Variants in CLDN24 observed in about 807,000 individuals in gnomAD.
CLDN24 encodes claudin-24.
For missense variants in CLDN24, 217 were observed against 253.9 expected, an observed-to-expected ratio of 0.85 and a Z score of 0.99; for synonymous variants, 103 against 104.7, an observed-to-expected ratio of 0.98 and a Z score of 0.10.
At position 183,322,396 on chromosome 4, in the gene CLDN24, AT is replaced by A. The variant is rs1387777303; in HGVS notation, c.30del (p.Gln10HisfsTer31). 37 of 1,607,604 alleles carry A rather than the reference AT, an allele frequency of 2.3e-5. No individual in the cohort carries two copies. The Admixed American group carries it at 6.2e-4, about 27-fold the overall frequency. On this transcript the variant is annotated frameshift_variant, in exon 1 of 1. Coordinates refer to ENST00000541814, the MANE Select transcript of CLDN24 (RefSeq NM_001185149.1). LOFTEE classifies it low-confidence loss of function (END_TRUNC). MALIFRTAM[Q>X]SVGLLLSLLG... ...AGGAGAGATAGTAAAAGTCCAACAG[AT>A]TGCATTGCTGTTCTAAAGATTAAAG...
Position 183,322,318 on chromosome 4 carries a change from T to C in CLDN24, c.109A>G (p.Asn37Asp), listed in dbSNP as rs1413148297. Residue 37 changes from asparagine (N) to aspartate (D), a missense_variant, in exon 1 of 1, where the codon AAC becomes GAC. Physicochemically the swap from Asn to Asp is conservative, Grantham distance 23. Coordinates refer to ENST00000541814, the MANE Select transcript of CLDN24 (RefSeq NM_001185149.1). The part of the protein sequence containing the change: ...TTYLPHWKNL[N>D]LDLNEMENWT... ...TTTTCCATTTCATTTAAGTCCAGGT[T>C]GAGGTTCTTCCAGTGTGGCAAATAA... 12 of 1,613,854 alleles carry C rather than the reference T, an allele frequency of 7.4e-6. No homozygotes were observed. The highest frequency in any genetic ancestry group is 1.3e-5 in the African/African-American group (1 of 74,920).
Position 183,321,968 on chromosome 4 carries a change from G to A in CLDN24, c.459C>T (p.Val153=), listed in dbSNP as rs1229356001. Residue 153 remains valine (V), a synonymous_variant, in exon 1 of 1, where the codon GTC becomes GTT. Transcript: ENST00000541814. Reference sequence around the variant, plus strand: ...ACTCCCACCTGGGGACAAAGTCTGGGACGTTCTCATCCCAGAACTCCTGAA... The same window carrying A: ...ACTCCCACCTGGGGACAAAGTCTGGAACGTTCTCATCCCAGAACTCCTGAA... The part of the protein sequence containing the change: ...KTVQEFWDEN[V]PDFVPRWEFG... 1.2e-6 allele frequency: 2 copies of A among 1,600,528 alleles called. No individual in the cohort carries two copies. Among genetic ancestry groups the A allele is most frequent in the African/African-American group, 2.7e-5 (2 of 74,428 alleles).
Position 183,322,344 on chromosome 4 carries a change from G to A in CLDN24, c.83C>T (p.Thr28Ile). Residue 28 changes from threonine (T) to isoleucine (I), a missense_variant, in exon 1 of 1, where the codon ACT becomes ATT. Transcript: ENST00000541814. ...LLGWILSIIT[T>I]YLPHWKNLNL... ...GAGGTTCTTCCAGTGTGGCAAATAAGTTGTAATAATGGATAAAATCCATCC... is the reference window on the plus strand; with the variant it reads ...GAGGTTCTTCCAGTGTGGCAAATAAATTGTAATAATGGATAAAATCCATCC... 6.8e-6 allele frequency: 11 copies of A among 1,613,758 alleles called. No homozygotes were observed. The South Asian group carries it at 8.8e-5, about 13-fold the overall frequency.
Position 183,322,324 on chromosome 4 carries a change from T to C in CLDN24, c.103A>G (p.Asn35Asp). ...ATTTCATTTAAGTCCAGGTTGAGGTTCTTCCAGTGTGGCAAATAAGTTGTA... is the reference window on the plus strand; with the variant it reads ...ATTTCATTTAAGTCCAGGTTGAGGTCCTTCCAGTGTGGCAAATAAGTTGTA... Reference protein sequence around the residue: ...IITTYLPHWKNLNLDLNEMEN... With the variant: ...IITTYLPHWKDLNLDLNEMEN... Residue 35 changes from asparagine (N) to aspartate (D), a missense_variant, in exon 1 of 1, where the codon AAC (asparagine) becomes GAC (aspartate). Asn to Asp is a conservative substitution (Grantham distance 23). Transcript: ENST00000541814. 2 of 1,614,006 alleles carry C rather than the reference T, an allele frequency of 1.2e-6. No individual in the cohort carries two copies. The highest frequency in any genetic ancestry group is 1.7e-6 in the Non-Finnish European group (2 of 1,180,032).
Position 183,321,861 on chromosome 4 carries a change from G to A in CLDN24, c.566C>T (p.Ser189Phe). 1 of 1,562,482 alleles carries A rather than the reference G, an allele frequency of 6.4e-7. No homozygotes were observed. ...GCCCAAAGCTAGGGGAGCGTGGCTG[G>A]AGCAGGCTGCGCAGTTGAGCAGACA... ...GGCLLNCAACSSHAPLALGHY... is the reference protein window; with the variant it reads ...GGCLLNCAACFSHAPLALGHY... The change falls in exon 1 of 1, where the codon TCC (serine) becomes TTC (phenylalanine). Residue 189 changes from serine to phenylalanine, a missense_variant. Ser to Phe is a radical substitution (Grantham distance 155). Transcript: ENST00000541814.
Position 183,322,222 on chromosome 4 carries a change from A to T in CLDN24, c.205T>A (p.Ser69Thr), listed in dbSNP as rs760516322. The change falls in exon 1 of 1, where the codon TCC (serine) becomes ACC (threonine). Residue 69 changes from serine to threonine, a missense_variant. Coordinates refer to ENST00000541814, the MANE Select transcript of CLDN24 (RefSeq NM_001185149.1). ...AGTTCAGCAGGCAAAGCCAGGAAGG[A>T]GTCAAAGTCCTTGCATTGCATCCCC... ...EVGMQCKDFD[S>T]FLALPAELRV... 1.9e-6 allele frequency: 3 copies of T among 1,613,684 alleles called. No individual in the cohort carries two copies. The highest frequency in any genetic ancestry group is 4.5e-5 in the East Asian group (2 of 44,888).
rs1021964155 is a variant in CLDN24 at position 183,321,840 on chromosome 4, A to G, written c.587T>C (p.Leu196Ser). ...AACSSHAPLA[L>S]GHYAVAQMQT... ...CATTTGCGCCACTGCATAGTGGCCC[A>G]AAGCTAGGGGAGCGTGGCTGGAGCA... Residue 196 changes from leucine to serine, a missense_variant, in exon 1 of 1, where the codon TTG becomes TCG. By Grantham distance (145) the Leu-to-Ser change is moderately radical (BLOSUM62 -2). Transcript: ENST00000541814. 1.3e-5 allele frequency: 20 copies of G among 1,554,612 alleles called. No homozygotes were observed. Among genetic ancestry groups the G allele is most frequent in the Non-Finnish European group, 1.5e-5 (17 of 1,148,704 alleles).
Position 183,321,852 on chromosome 4 carries a change from GC to G in CLDN24, c.574del (p.Ala192LeufsTer3). On this transcript the variant is annotated frameshift_variant, in exon 1 of 1. Coordinates refer to ENST00000541814, the MANE Select transcript of CLDN24 (RefSeq NM_001185149.1). LOFTEE classifies it low-confidence loss of function (END_TRUNC). ...TGCATAGTGGCCCAAAGCTAGGGGA[GC>G]GTGGCTGGAGCAGGCTGCGCAGTTG... is the stretch of plus-strand genomic sequence containing the variant. ...LLNCAACSSH[A>X]PLALGHYAVA... 6.4e-7 allele frequency: 1 copy of G among 1,558,064 alleles called. No homozygotes were observed. Among genetic ancestry groups the G allele is most frequent in the Non-Finnish European group, 8.7e-7 (1 of 1,150,648 alleles).
In CLDN24 at chr4:183,321,942, A is replaced by G. The variant is rs1579088178; in HGVS notation, c.485T>C (p.Phe162Ser). Residue 162 changes from phenylalanine to serine, a missense_variant, in exon 1 of 1, where the codon TTT (phenylalanine) becomes TCT (serine). By Grantham distance (155) the Phe-to-Ser change is radical (BLOSUM62 -2). Transcript: ENST00000541814. The part of the protein sequence containing the change: ...NVPDFVPRWE[F>S]GEALFLGWFA... ...CCAGCCCAGAAACAGGGCCTCCCCA[A>G]ACTCCCACCTGGGGACAAAGTCTGG... 9 of 1,589,736 alleles carry G rather than the reference A, an allele frequency of 5.7e-6. No homozygotes were observed. Among genetic ancestry groups the G allele is most frequent in the African/African-American group, 1.3e-5 (1 of 74,116 alleles).
Position 183,321,965 on chromosome 4 carries a change from T to C in CLDN24, c.462A>G (p.Pro154=), listed in dbSNP as rs1286623002. ...TVQEFWDENV[P]DFVPRWEFGE... ...CAAACTCCCACCTGGGGACAAAGTCTGGGACGTTCTCATCCCAGAACTCCT... is the reference window on the plus strand; with the variant it reads ...CAAACTCCCACCTGGGGACAAAGTCCGGGACGTTCTCATCCCAGAACTCCT... Residue 154 remains proline (P), a synonymous_variant, in exon 1 of 1, where the codon CCA becomes CCG. Coordinates refer to ENST00000541814, the MANE Select transcript of CLDN24 (RefSeq NM_001185149.1). The C allele has an allele frequency of 6.3e-6, 10 of 1,598,404 alleles. No individual in the cohort carries two copies. Among genetic ancestry groups the C allele is most frequent in the African/African-American group, 4.0e-5 (3 of 74,362 alleles).
Position 183,322,340 on chromosome 4 carries a change from A to G in CLDN24, c.87T>C (p.Tyr29=), listed in dbSNP as rs1368216857. Residue 29 remains tyrosine, a synonymous_variant, in exon 1 of 1, where the codon TAT becomes TAC. Transcript: ENST00000541814. ...LGWILSIITT[Y]LPHWKNLNLD... ...GGTTGAGGTTCTTCCAGTGTGGCAAATAAGTTGTAATAATGGATAAAATCC... is the reference window on the plus strand; with the variant it reads ...GGTTGAGGTTCTTCCAGTGTGGCAAGTAAGTTGTAATAATGGATAAAATCC... The G allele has an allele frequency of 3.1e-6, 5 of 1,613,808 alleles. No individual in the cohort carries two copies. The highest frequency in any genetic ancestry group is 4.2e-6 in the Non-Finnish European group (5 of 1,180,032).
Position 183,321,852 on chromosome 4 carries a change from G to A in CLDN24, c.575C>T (p.Ala192Val), listed in dbSNP as rs1352419451. ...LLNCAACSSHAPLALGHYAVA... is the reference protein window; with the variant it reads ...LLNCAACSSHVPLALGHYAVA... ...TGCATAGTGGCCCAAAGCTAGGGGAGCGTGGCTGGAGCAGGCTGCGCAGTT... is the reference window on the plus strand; with the variant it reads ...TGCATAGTGGCCCAAAGCTAGGGGAACGTGGCTGGAGCAGGCTGCGCAGTT... Residue 192 changes from alanine to valine, a missense_variant, in exon 1 of 1, where the codon GCT becomes GTT. Physicochemically the swap from Ala to Val is moderately conservative, Grantham distance 64 (BLOSUM62 0). Transcript: ENST00000541814. The A allele has an allele frequency of 3.2e-6, 5 of 1,557,946 alleles. No homozygotes were observed. The highest frequency in any genetic ancestry group is 4.3e-6 in the Non-Finnish European group (5 of 1,150,656).
Position 183,322,070 on chromosome 4 carries a change from G to C in CLDN24, c.357C>G (p.Leu119=), listed in dbSNP as rs771498175. Residue 119 remains leucine (L), a synonymous_variant, in exon 1 of 1, where the codon CTC becomes CTG. Coordinates refer to ENST00000541814, the MANE Select transcript of CLDN24 (RefSeq NM_001185149.1). The part of the protein sequence containing the change: ...ESQRDLKRRL[L]ILGGILSWAS... ...CCCAGGACAGAATTCCTCCCAGAATGAGCAGTCGCCTCTTGAGATCTCTCT... is the reference window on the plus strand; with the variant it reads ...CCCAGGACAGAATTCCTCCCAGAATCAGCAGTCGCCTCTTGAGATCTCTCT... The C allele has an allele frequency of 2.0e-4, 323 of 1,612,646 alleles. 1 individual carries two copies. Among genetic ancestry groups the C allele is most frequent in the Admixed American group, 4.5e-4 (27 of 59,944 alleles).
At position 183,321,820 on chromosome 4, in the gene CLDN24, G is replaced by A. The variant is rs757050676; in HGVS notation, c.607C>T (p.Gln203Ter). Reference sequence around the variant, plus strand: ...AGGTAGGGACACTGAGTTTGCATTTGCGCCACTGCATAGTGGCCCAAAGCT... The same window carrying A: ...AGGTAGGGACACTGAGTTTGCATTTACGCCACTGCATAGTGGCCCAAAGCT... ...PLALGHYAVA[Q>*]MQTQCPYLED... The change falls in exon 1 of 1, where the codon CAA (glutamine) becomes TAA (stop). Residue 203 changes from glutamine to a stop codon, truncating the protein, a stop_gained. Transcript: ENST00000541814. LOFTEE classifies it low-confidence loss of function (END_TRUNC). 21 of 1,551,756 alleles carry A rather than the reference G, an allele frequency of 1.4e-5. No homozygotes were observed. The African/African-American group carries it at 2.9e-4, about 21-fold the overall frequency.
At position 183,322,090 on chromosome 4, in the gene CLDN24, C is replaced by T; in HGVS notation, c.337G>A (p.Asp113Asn). The T allele has an allele frequency of 2.0e-5, 32 of 1,613,900 alleles. No homozygotes were observed. The highest frequency in any genetic ancestry group is 2.7e-5 in the Non-Finnish European group (32 of 1,179,860). ...DCLRIGESQR[D>N]LKRRLLILGG... ...AGAATGAGCAGTCGCCTCTTGAGAT[C>T]TCTCTGACTCTCTCCAATTCTCAAA... Residue 113 changes from aspartate (D) to asparagine (N), a missense_variant, in exon 1 of 1, where the codon GAT (aspartate) becomes AAT (asparagine). Transcript: ENST00000541814.
In CLDN24 at chr4:183,322,388, TC is replaced by T; in HGVS notation, c.38del (p.Gly13AspfsTer28). Reference sequence around the variant, plus strand: ...TCCATCCCAGGAGAGATAGTAAAAGTCCAACAGATTGCATTGCTGTTCTAAA... The same window carrying T: ...TCCATCCCAGGAGAGATAGTAAAAGTCAACAGATTGCATTGCTGTTCTAAA... ...LIFRTAMQSV[G>X]LLLSLLGWIL... On this transcript the variant is annotated frameshift_variant, in exon 1 of 1. Coordinates refer to ENST00000541814, the MANE Select transcript of CLDN24 (RefSeq NM_001185149.1). LOFTEE classifies it low-confidence loss of function (END_TRUNC). 1 of 1,609,056 alleles carries T rather than the reference TC, an allele frequency of 6.2e-7. No individual in the cohort carries two copies. Among genetic ancestry groups the T allele is most frequent in the Non-Finnish European group, 8.5e-7 (1 of 1,179,992 alleles).
Position 183,322,330 on chromosome 4 carries a change from A to G in CLDN24, c.97T>C (p.Trp33Arg). The stretch of plus-strand genomic sequence containing the variant: ...TTTAAGTCCAGGTTGAGGTTCTTCC[A>G]GTGTGGCAAATAAGTTGTAATAATG... ...LSIITTYLPH[W>R]KNLNLDLNEM... is the part of the protein sequence containing the mutation. Residue 33 changes from tryptophan (W) to arginine (R), a missense_variant, in exon 1 of 1, where the codon TGG (tryptophan) becomes CGG (arginine). Physicochemically the swap from Trp to Arg is moderately radical, Grantham distance 101 (BLOSUM62 -3). Coordinates refer to ENST00000541814, the MANE Select transcript of CLDN24 (RefSeq NM_001185149.1). The G allele has an allele frequency of 1.9e-6, 3 of 1,614,008 alleles. No individual in the cohort carries two copies. The highest frequency in any genetic ancestry group is 2.5e-6 in the Non-Finnish European group (3 of 1,180,044).
Position 183,321,809 on chromosome 4 carries a change from A to G in CLDN24, c.618T>C (p.Thr206=), listed in dbSNP as rs763760422. 1 of 1,551,038 alleles carries G rather than the reference A, an allele frequency of 6.4e-7. No homozygotes were observed. The highest frequency in any genetic ancestry group is 8.7e-7 in the Non-Finnish European group (1 of 1,147,048). Residue 206 remains threonine, a synonymous_variant, in exon 1 of 1, where the codon ACT becomes ACC. Coordinates refer to ENST00000541814, the MANE Select transcript of CLDN24 (RefSeq NM_001185149.1). ...TCCCATCTTCCAGGTAGGGACACTGAGTTTGCATTTGCGCCACTGCATAGT... is the reference window on the plus strand; with the variant it reads ...TCCCATCTTCCAGGTAGGGACACTGGGTTTGCATTTGCGCCACTGCATAGT... ...LGHYAVAQMQ[T]QCPYLEDGTA...
At position 183,322,228 on chromosome 4, in the gene CLDN24, A is replaced by G. The variant is rs750441565; in HGVS notation, c.199T>C (p.Phe67Leu). The G allele has an allele frequency of 5.6e-6, 9 of 1,613,820 alleles. No homozygotes were observed. In the Admixed American group the frequency reaches 1.5e-4, roughly 27 times the overall value. Reference protein sequence around the residue: ...QEEVGMQCKDFDSFLALPAEL... With the variant: ...QEEVGMQCKDLDSFLALPAEL... Reference sequence around the variant, plus strand: ...GCAGGCAAAGCCAGGAAGGAGTCAAAGTCCTTGCATTGCATCCCCACTTCC... The same window carrying G: ...GCAGGCAAAGCCAGGAAGGAGTCAAGGTCCTTGCATTGCATCCCCACTTCC... Residue 67 changes from phenylalanine to leucine, a missense_variant, in exon 1 of 1, where the codon TTT becomes CTT. Physicochemically the swap from Phe to Leu is conservative, Grantham distance 22 (BLOSUM62 0). Transcript: ENST00000541814.
Sources: gnomAD v4.1 joint callset for allele counts on GRCh38, gnomAD v4.1.1 for gene constraint, MANE v1.5 for transcripts, NCBI Gene and HGNC (gene_info 2026-07-23, HGNC 2026-07-21) for gene names.